The following CNGA1 variants were observed in gnomAD, a reference collection of about 807,000 sequenced individuals.
CNGA1 encodes the protein cyclic nucleotide gated channel subunit alpha 1, also known as cyclic nucleotide-gated channel alpha-1.
Under a neutral mutation model 69.7 loss-of-function variants are expected in CNGA1, and 53 were observed. The ratio of observed to expected loss-of-function variants is 0.76; its 90% CI spans 0.61 to 0.96. The LOEUF (loss-of-function observed/expected upper bound fraction) is 0.96, where lower values mean the gene tolerates loss of function less well. CNGA1 is among the 40% of genes least tolerant of loss of function. The pLI is 0.00. For missense variants in CNGA1, 739 were observed against 811.2 expected, an observed-to-expected ratio of 0.91 and a Z score of 1.08; for synonymous variants, 249 against 283.5, an observed-to-expected ratio of 0.88 and a Z score of 1.22.
chr4:47,942,267 A>G, intron 8 of CNGA1, 119 bp from the exon 9 acceptor site: 2 of 730,848 alleles, frequency 2.7e-6, no homozygotes, highest in Admixed American at 1.9e-5. Flanking sequence ...AAGCTGGAGA[A>G]GCTCACTCTG....
intron 3 of CNGA1, among the ~76,000 whole-genome samples, chr4:47,977,261 G>A (rs1741464422): frequency 1.3e-5 from 2 of 152,102 alleles, no homozygotes; most frequent in African/African-American, 4.8e-5. Context: ...ATAAGAAGAG[G>A]AAACGTGGAC....
intron 2 of CNGA1, among the ~76,000 whole-genome samples, chr4:47,982,643 T>G (rs997428441): frequency 6.6e-6 from 1 of 152,132 alleles, no homozygotes; most frequent in Non-Finnish European, 1.5e-5. Context: ...TATTCTGATT[T>G]TATGTAATAT....
At position 48,001,779 on chromosome 4, in the gene CNGA1, T is replaced by C. The variant is rs1363026812; in HGVS notation, c.-123+9015A>G. On this transcript the variant is annotated intron_variant, in intron 2 of 10. Transcript: ENST00000514170. ...GGAACATCCACCAAGACAGATCATA[T>C]GCTGGGCCATAAACCAAATCTCAAC... is the stretch of plus-strand genomic sequence containing the variant. Among the ~76,000 whole-genome samples, 10 of 152,058 alleles carry C rather than the reference T, an allele frequency of 6.6e-5. No homozygotes were observed. In the East Asian group the frequency reaches 1.9e-3, roughly 29 times the overall value.
At chr4:47,976,344 T>C (rs1185231670) in intron 3 of CNGA1, among the ~76,000 whole-genome samples, 1 of 34,464 alleles carries the variant, frequency 2.9e-5, no homozygotes, top group African/African-American at 5.6e-5. Flanking sequence ...TATACACATA[T>C]ATATATATAT....
At chr4:47,943,897 A>C (rs1396435026) in intron 6 of CNGA1, among the ~76,000 whole-genome samples, 1 of 152,180 alleles carries the variant, frequency 6.6e-6, no homozygotes, top group Non-Finnish European at 1.5e-5. Flanking sequence ...AATATGGTGG[A>C]ATCTCAGTTA....
At position 47,936,153 on chromosome 4, in the gene CNGA1, G is replaced by GA. The variant is rs1738625334; in HGVS notation, c.*267dup. ...AATATTACATAAAATGAGCGTATGT[G>GA]AAAAAATCAGAAAATACAGACACTG... On this transcript the variant is annotated 3_prime_UTR_variant, in exon 11 of 11. Transcript: ENST00000514170. 1 of 510,748 alleles carries GA rather than the reference G, an allele frequency of 2.0e-6. No homozygotes were observed. Among genetic ancestry groups the GA allele is most frequent in the Admixed American group, 3.5e-5 (1 of 28,180 alleles). 31.6% of individuals were successfully genotyped at this position (510,748 alleles called of 1,614,324 possible). A position where few individuals can be genotyped will look rare whatever the true frequency, so the allele number is the denominator to read the frequency against.
intron 3 of CNGA1, among the ~76,000 whole-genome samples, chr4:47,960,817 A>G (rs1405647487): frequency 6.6e-6 from 1 of 152,232 alleles, no homozygotes; most frequent in Non-Finnish European, 1.5e-5. Context: ...CAGATATAAG[A>G]GTATATGCTG....
intron 2 of CNGA1, among the ~76,000 whole-genome samples, chr4:48,004,386 T>C (rs889426182): frequency 6.6e-6 from 1 of 152,182 alleles, no homozygotes; most frequent in African/African-American, 2.4e-5. Context: ...TCTCTTTGTC[T>C]TGTGCCTTTA....
chr4:47,971,054 G>A (rs185670093), intron 3 of CNGA1: 53 of 454,776 alleles, frequency 1.2e-4, no homozygotes, highest in Middle Eastern at 1.1e-3. Context: ...GCAGTGAGCC[G>A]AGATCGCGCC....
At chr4:47,989,155 T>A (rs139607724) in intron 2 of CNGA1, among the ~76,000 whole-genome samples, 1 of 152,276 alleles carries the variant, frequency 6.6e-6, no homozygotes, top group Non-Finnish European at 1.5e-5. Flanking sequence ...TCAAGTTACG[T>A]CCTTCATGAT....
At chr4:47,942,990 A>G (rs1578067914) in intron 8 of CNGA1, 191 bp downstream of exon 8, 2 of 493,302 alleles carry the variant, frequency 4.1e-6, no homozygotes, top group East Asian at 7.0e-5. Context: ...TTTTAGGGAA[A>G]TTGGAAAAAG....
intron 3 of CNGA1, among the ~76,000 whole-genome samples, chr4:47,977,683 A>AAT: frequency 1.3e-5 from 2 of 152,186 alleles, no homozygotes; most frequent in Non-Finnish European, 2.9e-5. Context: ...TAATGTCTCC[A>AAT]GAACCTTATA....
At chr4:47,964,390 T>C (rs1020932139) in intron 3 of CNGA1, among the ~76,000 whole-genome samples, 3 of 152,212 alleles carry the variant, frequency 2.0e-5, no homozygotes, top group Non-Finnish European at 4.4e-5. Flanking sequence ...TCTCTTGTCC[T>C]ATAATTTCTT....
At chr4:47,998,321 G>A (rs1714484866) in intron 2 of CNGA1, among the ~76,000 whole-genome samples, 1 of 152,174 alleles carries the variant, frequency 6.6e-6, no homozygotes, top group Non-Finnish European at 1.5e-5. Flanking sequence ...TTTGTGGAAT[G>A]CTAATCTGGA....
chr4:47,951,100 A>G (rs560712374), intron 5 of CNGA1, among the ~76,000 whole-genome samples: 3 of 152,358 alleles, frequency 2.0e-5, no homozygotes, highest in Non-Finnish European at 4.4e-5. Flanking sequence ...TGGGTAAGGA[A>G]CAGAAGTAAT....
intron 3 of CNGA1, among the ~76,000 whole-genome samples, chr4:47,967,074 G>A (rs1425367716): frequency 4.6e-5 from 7 of 152,020 alleles, no homozygotes; most frequent in South Asian, 2.1e-4. Flanking sequence ...AGGCTGAGGC[G>A]GGTGGATCAC....
chr4:47,969,754 G>A (rs1740917761), intron 3 of CNGA1, among the ~76,000 whole-genome samples: 1 of 152,084 alleles, frequency 6.6e-6, no homozygotes, highest in Non-Finnish European at 1.5e-5. Context: ...ACAGGAATAA[G>A]CCACCACGCC....
chr4:47,938,149 C>T (rs1245799429), intron 10 of CNGA1, among the ~76,000 whole-genome samples: 2 of 148,756 alleles, frequency 1.3e-5, no homozygotes, highest in Admixed American at 6.8e-5. Context: ...GCATTCCAGC[C>T]TGGGCAACAG....
intron 3 of CNGA1, among the ~76,000 whole-genome samples, chr4:47,978,087 A>T (rs1348891695): frequency 6.6e-6 from 1 of 152,140 alleles, no homozygotes; most frequent in Non-Finnish European, 1.5e-5. Context: ...CAGCCTCCCA[A>T]AGTGCTGTGA....
Sources: allele counts gnomAD v4.1 joint callset (sites outside exome capture counted in the v4.1 genomes callset), GRCh38; gene constraint gnomAD v4.1.1; transcripts MANE v1.5; gene names NCBI Gene and HGNC (gene_info 2026-07-23, HGNC 2026-07-21).